Variants in PRKN observed in about 807,000 individuals in gnomAD.
PRKN encodes the protein parkin RBR E3 ubiquitin protein ligase, also known as E3 ubiquitin-protein ligase parkin.
In PRKN, 56 loss-of-function variants were observed where a neutral mutation model predicts 59.5. The ratio of observed to expected loss-of-function variants is 0.94; its 90% CI spans 0.76 to 1.18. The LOEUF is 1.18. PRKN is among the 50% of genes most tolerant of loss of function. PRKN has a pLI of 0.00. For synonymous variants in PRKN, 250 were observed against 222.1 expected, an observed-to-expected ratio of 1.13 and a Z score of -1.12; for missense variants, 657 against 596.4, an observed-to-expected ratio of 1.10 and a Z score of -1.06.
intron 7 of PRKN, among the ~76,000 whole-genome samples, chr6:161,638,773 A>C (rs1582928210): frequency 9.2e-6 from 1 of 108,436 alleles, no homozygotes. Flanking sequence ...ACAGACTCTC[A>C]CTCTTTCAGC....
chr6:162,632,805 T>C (rs546615218), intron 1 of PRKN, among the ~76,000 whole-genome samples: 3 of 152,178 alleles, frequency 2.0e-5, no homozygotes, highest in African/African-American at 7.2e-5. Flanking sequence ...TACAATAATA[T>C]AGCAAATGTC....
chr6:162,247,096 T>G (rs905119330), intron 3 of PRKN, among the ~76,000 whole-genome samples: 1 of 152,140 alleles, frequency 6.6e-6, no homozygotes, highest in African/African-American at 2.4e-5. Context: ...CTCTAAAAAT[T>G]GTACTATATA....
In PRKN at chr6:161,588,152, G is replaced by A. The variant is rs780338882; in HGVS notation, c.872-18736C>T. Among the ~76,000 whole-genome samples the A allele has an allele frequency of 2.0e-5, 3 of 152,132 alleles. No individual in the cohort carries two copies. The highest frequency in any genetic ancestry group is 2.9e-5 in the Non-Finnish European group (2 of 68,012). On this transcript the variant is annotated intron_variant, in intron 7 of 11. Transcript: ENST00000366898. This position sits in a 1 kb window ranked among gnomAD's most constrained non-coding sequence, Gnocchi z 5.0. The stretch of plus-strand genomic sequence containing the variant: ...TGTAATCCCAGCACTTTGGGAGGCC[G>A]AGTCGGGTGGATCACAAGGTCAGGA...
chr6:162,301,056 C>G (rs1377010463), intron 2 of PRKN, among the ~76,000 whole-genome samples: 2 of 151,730 alleles, frequency 1.3e-5, no homozygotes, highest in African/African-American at 4.8e-5. Flanking sequence ...TCTAGTACTT[C>G]TTATACATGA....
At chr6:162,189,635 C>T (rs1239402357) in intron 4 of PRKN, among the ~76,000 whole-genome samples, 1 of 151,284 alleles carries the variant, frequency 6.6e-6, no homozygotes, top group Non-Finnish European at 1.5e-5. Flanking sequence ...ATAAGGGAGC[C>T]CAGAACAGGG....
chr6:162,008,450 G>C (rs1782348286), intron 5 of PRKN, among the ~76,000 whole-genome samples: 1 of 152,258 alleles, frequency 6.6e-6, no homozygotes, highest in Non-Finnish European at 1.5e-5. Context: ...GCCTCACTAA[G>C]TACTCAAGCC....
intron 10 of PRKN, among the ~76,000 whole-genome samples, chr6:161,367,328 G>A (rs1000386720): frequency 3.9e-5 from 6 of 152,124 alleles, no homozygotes; most frequent in Non-Finnish European, 5.9e-5. Flanking sequence ...TGTTTTAGCC[G>A]GCAGGACAGC....
At position 161,444,615 on chromosome 6, in the gene PRKN, A is replaced by T. The variant is rs912435904; in HGVS notation, c.1084-57738T>A. Among the ~76,000 whole-genome samples the T allele has an allele frequency of 2.0e-5, 3 of 152,224 alleles. No individual in the cohort carries two copies. Among genetic ancestry groups the T allele is most frequent in the African/African-American group, 7.2e-5 (3 of 41,464 alleles). ...GGTGAGGTTGTGCTCTGAAAAGCTG[A>T]GTTCCTCCTGAGAGGCTAATTCACT... On this transcript the variant is annotated intron_variant, in intron 9 of 11. Transcript: ENST00000366898. This position sits in a 1 kb window ranked among gnomAD's most constrained non-coding sequence, Gnocchi z 5.6.
chr6:161,933,845 A>G (rs1779255022), intron 6 of PRKN, among the ~76,000 whole-genome samples: 1 of 151,898 alleles, frequency 6.6e-6, no homozygotes, highest in African/African-American at 2.4e-5. Flanking sequence ...AATGTAAATG[A>G]AGCTCACAGT....
chr6:162,077,780 A>G (rs1193535754), intron 4 of PRKN, among the ~76,000 whole-genome samples: 1 of 151,966 alleles, frequency 6.6e-6, no homozygotes, highest in East Asian at 1.9e-4. Context: ...CGGGTGGATC[A>G]CCTGAGATCA....
At chr6:161,383,386 G>A (rs1786082017) in intron 10 of PRKN, among the ~76,000 whole-genome samples, 1 of 152,232 alleles carries the variant, frequency 6.6e-6, no homozygotes, top group Non-Finnish European at 1.5e-5. Context: ...GAAGGTGCTG[G>A]TAATTCTGTA....
intron 4 of PRKN, among the ~76,000 whole-genome samples, chr6:162,146,871 C>T (rs1583102607): frequency 6.6e-6 from 1 of 151,962 alleles, no homozygotes; most frequent in African/African-American, 2.4e-5. Flanking sequence ...GCTGAGATTA[C>T]AGGCATGGGC....
intron 1 of PRKN, among the ~76,000 whole-genome samples, chr6:162,518,912 T>C (rs1237596088): frequency 6.6e-6 from 1 of 152,232 alleles, no homozygotes; most frequent in Non-Finnish European, 1.5e-5. Flanking sequence ...CGTTATTTCA[T>C]GTTTTAAATT....
intron 4 of PRKN, 60 bp from the exon 5 acceptor site, chr6:162,054,234 G>T: frequency 1.0e-6 from 1 of 984,880 alleles, no homozygotes; most frequent in South Asian, 1.3e-5. Flanking sequence ...TACTCCTTAA[G>T]ACATGTTTCC....
chr6:162,515,550 A>T (rs1777811825), intron 1 of PRKN, among the ~76,000 whole-genome samples: 1 of 152,210 alleles, frequency 6.6e-6, no homozygotes, highest in African/African-American at 2.4e-5. Context: ...AAGTGTTGGT[A>T]ATATAAGTAT....
In PRKN at chr6:161,588,202, G is replaced by A. The variant is rs866967409; in HGVS notation, c.872-18786C>T. 2.0e-5 allele frequency among the ~76,000 whole-genome samples: 3 copies of A among 152,062 alleles called. No individual in the cohort carries two copies. Among genetic ancestry groups the A allele is most frequent in the Non-Finnish European group, 4.4e-5 (3 of 68,012 alleles). ...AGTTCGAGACCAGCCTGGCTAACAT[G>A]GCAAAACCCCGTCTCTACTAAAAAT... On this transcript the variant is annotated intron_variant, in intron 7 of 11. Transcript: ENST00000366898. This position sits in a 1 kb window ranked among gnomAD's most constrained non-coding sequence, Gnocchi z 5.0.
chr6:162,479,006 G>A (rs764577811), intron 1 of PRKN, among the ~76,000 whole-genome samples: 3 of 152,008 alleles, frequency 2.0e-5, no homozygotes, highest in African/African-American at 7.2e-5. Context: ...GCACACTCAG[G>A]CTACGCTAAA....
At chr6:162,144,549 C>T (rs921835058) in intron 4 of PRKN, among the ~76,000 whole-genome samples, 2 of 152,138 alleles carry the variant, frequency 1.3e-5, no homozygotes, top group Non-Finnish European at 2.9e-5. Context: ...GAGCTGGCTT[C>T]CCTACAATGT....
At chr6:162,613,740 A>C (rs1315873116) in intron 1 of PRKN, among the ~76,000 whole-genome samples, 1 of 152,218 alleles carries the variant, frequency 6.6e-6, no homozygotes, top group Non-Finnish European at 1.5e-5. Context: ...TATCCATTGT[A>C]AACAGAATGG....
Sources: gnomAD v4.1 joint callset for allele counts (sites outside exome capture counted in the v4.1 genomes callset) on GRCh38, gnomAD v4.1.1 for gene constraint, Gnocchi (gnomAD v3.1) non-coding constraint, MANE v1.5 for transcripts, NCBI Gene and HGNC (gene_info 2026-07-23, HGNC 2026-07-21) for gene names.